The following AXDND1 variants were observed in gnomAD, a reference collection of about 807,000 sequenced individuals.
AXDND1 encodes the protein axonemal dynein light chain domain containing 1, also known as axonemal dynein light chain domain-containing protein 1.
AXDND1 carries 110 observed loss-of-function variants against 137.5 expected under a neutral mutation model. The ratio of observed to expected loss-of-function variants is 0.80; its 90% CI spans 0.69 to 0.94. The LOEUF is 0.94. Ranked by LOEUF, AXDND1 falls within the 40% of genes least tolerant of loss-of-function variation. The pLI is 0.00. For missense variants in AXDND1, 1,191 were observed against 1,169.8 expected, an observed-to-expected ratio of 1.02 and a Z score of -0.26; for synonymous variants, 414 against 399.7, an observed-to-expected ratio of 1.04 and a Z score of -0.43.
rs193049758 is a variant in AXDND1, at chr1:179,456,034, T to C, written c.1798+10830T>C. On this transcript the variant is annotated intron_variant, in intron 16 of 25. Transcript: ENST00000367618. ...GAACACAAACTAAAATAACCTGTTA[T>C]AGAGTTAGTCACAAATAACAGTCCT... 1.7e-4 allele frequency: 72 copies of C among 420,724 alleles called. 1 individual carries two copies. Among genetic ancestry groups the C allele is most frequent in the African/African-American group, 8.4e-4 (41 of 48,790 alleles). The allele number at this position is 420,724 out of a possible 1,614,324, so 26.1% of individuals were successfully genotyped here. A position where few individuals can be genotyped will look rare whatever the true frequency, so the allele number is the denominator to read the frequency against.
intron 25 of AXDND1, among the ~76,000 whole-genome samples, chr1:179,553,567 A>G (rs2125775707): frequency 6.6e-6 from 1 of 152,352 alleles, no homozygotes; most frequent in Non-Finnish European, 1.5e-5. Flanking sequence ...ATCCATTGAG[A>G]CAGAAACTAA....
chr1:179,442,264 T>C (rs998543976), intron 15 of AXDND1, among the ~76,000 whole-genome samples: 7 of 152,204 alleles, frequency 4.6e-5, no homozygotes, highest in Non-Finnish European at 7.3e-5. Flanking sequence ...TTATTTTCAA[T>C]TGGAGCTGTG....
chr1:179,367,527 A>G (rs1667569860), intron 2 of AXDND1, among the ~76,000 whole-genome samples: 2 of 152,040 alleles, frequency 1.3e-5, no homozygotes, highest in African/African-American at 4.8e-5. Flanking sequence ...TCACGAGGTC[A>G]GGAGTTTGAG....
intron 15 of AXDND1, among the ~76,000 whole-genome samples, chr1:179,441,036 G>C (rs184995923): frequency 6.6e-6 from 1 of 152,312 alleles, no homozygotes; most frequent in Non-Finnish European, 1.5e-5. Flanking sequence ...ACCTGGAGTA[G>C]GGTGAGGGAA....
intron 15 of AXDND1, among the ~76,000 whole-genome samples, chr1:179,441,018 G>A (rs1018268174): frequency 6.6e-6 from 1 of 152,156 alleles, no homozygotes; most frequent in Non-Finnish European, 1.5e-5. Context: ...AATAAAATAA[G>A]TTTGTCCACC....
intron 12 of AXDND1, among the ~76,000 whole-genome samples, chr1:179,421,367 C>CTTTTTTTT (rs199703017): frequency 1.1e-4 from 12 of 107,226 alleles, no homozygotes; most frequent in African/African-American, 4.5e-4. Context: ...TTTTCTTTTC[C>CTTTTTTTT]TTTTTTTTTT....
chr1:179,431,467 T>G (rs567873300), intron 14 of AXDND1, among the ~76,000 whole-genome samples: 131 of 48,262 alleles, frequency 2.7e-3, no homozygotes, highest in Admixed American at 0.011. Flanking sequence ...CTAAGGTTTT[T>G]GTTTGTTTGT....
intron 18 of AXDND1, among the ~76,000 whole-genome samples, chr1:179,486,278 T>TAAAG (rs71114523): frequency 0.46 from 68,876 of 151,158 alleles, 16,516 homozygotes; most frequent in East Asian, 0.76. Context: ...CAGACAAAAA[T>TAAAG]AAAAAACAAT....
At position 179,393,890 on chromosome 1, in the gene AXDND1, G is replaced by T. The variant is rs1156766119; in HGVS notation, c.864-13G>T. 2 of 1,569,638 alleles carry T rather than the reference G, an allele frequency of 1.3e-6. No homozygotes were observed. The highest frequency in any genetic ancestry group is 1.2e-5 in the South Asian group (1 of 83,914). ...TATCAGATCTAGGAGCTTTTTGGTT[G>T]TTTGTCATGCAGAGAGAGGTATGTG... On this transcript the variant is annotated splice_polypyrimidine_tract_variant and intron_variant, in intron 9 of 25. Transcript: ENST00000367618.
At chr1:179,487,348 C>A (rs1666193883) in intron 18 of AXDND1, among the ~76,000 whole-genome samples, 1 of 148,354 alleles carries the variant, frequency 6.7e-6, no homozygotes, top group Non-Finnish European at 1.5e-5. Context: ...AGTCTTTGAG[C>A]AAGCCTTTCT....
intron 20 of AXDND1, among the ~76,000 whole-genome samples, chr1:179,496,464 G>T (rs901100497): frequency 6.6e-6 from 1 of 151,896 alleles, no homozygotes; most frequent in South Asian, 2.1e-4. Context: ...AGGAATTTGC[G>T]ATTTCATCTA....
chr1:179,378,538 C>A, intron 4 of AXDND1, 99 bp from the exon 5 acceptor site: 1 of 911,474 alleles, frequency 1.1e-6, no homozygotes, highest in Non-Finnish European at 1.5e-6. Context: ...CACAGAGGAC[C>A]ATCTTACCCA....
At chr1:179,377,546 G>C (rs893723727) in intron 4 of AXDND1, among the ~76,000 whole-genome samples, 1 of 152,166 alleles carries the variant, frequency 6.6e-6, no homozygotes, top group African/African-American at 2.4e-5. Context: ...GCCTAGCTTA[G>C]ACCACTTGCC....
At chr1:179,489,346 A>C (rs1019364091) in intron 18 of AXDND1, among the ~76,000 whole-genome samples, 4 of 152,184 alleles carry the variant, frequency 2.6e-5, no homozygotes, top group Non-Finnish European at 5.9e-5. Context: ...TAATCTCTCT[A>C]ATATAACTTT....
Position 179,481,992 on chromosome 1 carries a change from T to A in AXDND1, c.1998-1136T>A, listed in dbSNP as rs557408779. 2.0e-5 allele frequency among the ~76,000 whole-genome samples: 3 copies of A among 152,270 alleles called. No individual in the cohort carries two copies. The South Asian group carries it at 6.2e-4, about 32-fold the overall frequency. Reference sequence around the variant, plus strand: ...TATCTTGAATCTCCACTGAATTGCATTTCACCAAACCTCCACTGTTCTTTA... The same window carrying A: ...TATCTTGAATCTCCACTGAATTGCAATTCACCAAACCTCCACTGTTCTTTA... On this transcript the variant is annotated intron_variant, in intron 17 of 25. Transcript: ENST00000367618.
intron 12 of AXDND1, 101 bp downstream of exon 12, chr1:179,411,367 G>A: frequency 1.4e-6 from 2 of 1,467,618 alleles, no homozygotes; most frequent in Non-Finnish European, 1.9e-6. Context: ...TTTTGAAAGA[G>A]TCTTACTCAC....
chr1:179,397,833 T>C (rs960924674), intron 11 of AXDND1, among the ~76,000 whole-genome samples: 1 of 152,224 alleles, frequency 6.6e-6, no homozygotes, highest in Non-Finnish European at 1.5e-5. Context: ...TTTTCAGCTC[T>C]ATCAGCCCAG....
intron 20 of AXDND1, among the ~76,000 whole-genome samples, chr1:179,496,737 A>G (rs1263321915): frequency 6.6e-6 from 1 of 151,768 alleles, no homozygotes; most frequent in East Asian, 1.9e-4. Context: ...TTTCTTACTT[A>G]TTCTGGGTTT....
At chr1:179,511,146 G>A (rs942630817) in intron 21 of AXDND1, among the ~76,000 whole-genome samples, 2 of 151,340 alleles carry the variant, frequency 1.3e-5, no homozygotes, top group Non-Finnish European at 2.9e-5. Context: ...CAGCCTGGGC[G>A]ACAGAGTGAG....
Sources: gnomAD v4.1 joint callset for allele counts (sites outside exome capture counted in the v4.1 genomes callset) on GRCh38, gnomAD v4.1.1 for gene constraint, MANE v1.5 for transcripts, NCBI Gene and HGNC (gene_info 2026-07-23, HGNC 2026-07-21) for gene names.